The following VPS13A variants were observed in gnomAD, a reference collection of about 807,000 sequenced individuals.
The protein encoded by VPS13A is intermembrane lipid transfer protein VPS13A.
A neutral mutation model predicts 390.9 loss-of-function variants in VPS13A; 264 were observed. That is an observed-to-expected ratio of 0.68 (90% CI 0.61 to 0.75). The LOEUF (loss-of-function observed/expected upper bound fraction) is 0.75. Ranked by LOEUF, VPS13A falls within the 30% of genes least tolerant of loss-of-function variation. The pLI is 0.00. For synonymous variants in VPS13A, 1,231 were observed against 1,227.1 expected (o/e 1.00, Z -0.07); for missense variants, 3,409 against 3,733.9 (o/e 0.91, Z 2.27).
chr9:77,185,643 G>A (rs1824285362), intron 1 of VPS13A, among the ~76,000 whole-genome samples: 1 of 152,058 alleles, frequency 6.6e-6, no homozygotes, highest in South Asian at 2.1e-4. Context: ...TTTCTGTTTT[G>A]TTATACTTGT....
chr9:77,221,058 C>T, intron 12 of VPS13A, 127 bp from the exon 13 acceptor site: 1 of 892,164 alleles, frequency 1.1e-6, no homozygotes. Context: ...AAAGGAAGTA[C>T]TCAGATAATA....
At chr9:77,280,800 AC>A (rs1452127215) in intron 27 of VPS13A, among the ~76,000 whole-genome samples, 1 of 152,096 alleles carries the variant, frequency 6.6e-6, no homozygotes, top group Admixed American at 6.6e-5. Context: ...TCACTTTAAA[AC>A]CATTTTTGCT....
At position 77,281,677 on chromosome 9, in the gene VPS13A, C is replaced by A. The variant is rs12348215; in HGVS notation, c.2905-190C>A. Among the ~76,000 whole-genome samples the A allele has an allele frequency of 0.1, 15,486 of 151,624 alleles. 820 individuals are homozygous for A. The highest frequency in any genetic ancestry group is 0.13 in the Middle Eastern group (38 of 290). ...TATGTGCCAGAGAGTCCAATACTTA[C>A]ATTTTCTTTTGTTCTGGTGAAGCGG... is the stretch of plus-strand genomic sequence containing the variant. On this transcript the variant is annotated intron_variant, in intron 27 of 71. Transcript: ENST00000360280.
chr9:77,278,507 T>C (rs1826827921), intron 26 of VPS13A, among the ~76,000 whole-genome samples: 1 of 152,220 alleles, frequency 6.6e-6, no homozygotes, highest in South Asian at 2.1e-4. Flanking sequence ...TTCTGTTTTC[T>C]CAGAGGGAGT....
rs763173093 is a variant in VPS13A, at chr9:77,399,167, T to TA, written c.9190-4056dup. On this transcript the variant is annotated intron_variant, in intron 68 of 71. Transcript: ENST00000360280. ...ATGTACCCTAAAACTTAGAGTATAA[T>TA]AAAAAAAAAAAAATAAAAAAAAAAA... 2.0e-3 allele frequency among the ~76,000 whole-genome samples: 169 copies of TA among 86,084 alleles called. 1 individual carries two copies. Among genetic ancestry groups the TA allele is most frequent in the Middle Eastern group, 8.2e-3 (1 of 122 alleles). The allele number at this position is 86,084 out of a possible 152,430, so 56.5% of individuals were successfully genotyped here. A position where few individuals can be genotyped will look rare whatever the true frequency, so the allele number is the denominator to read the frequency against.
chr9:77,386,023 A>G (rs2131621250), intron 68 of VPS13A, among the ~76,000 whole-genome samples: 1 of 152,304 alleles, frequency 6.6e-6, no homozygotes, highest in Middle Eastern at 3.4e-3. Context: ...AAACAAACTT[A>G]CTAATATGTA....
chr9:77,250,377 AC>A, intron 21 of VPS13A, 148 bp downstream of exon 21: 1 of 1,027,854 alleles, frequency 9.7e-7, no homozygotes, highest in Non-Finnish European at 1.4e-6. Context: ...AGCTGTTCTT[AC>A]CAGGAGCAGT....
intron 68 of VPS13A, among the ~76,000 whole-genome samples, chr9:77,387,802 GTTGATT>G (rs1378932176): frequency 1.3e-5 from 2 of 152,148 alleles, no homozygotes; most frequent in African/African-American, 4.8e-5. Context: ...AGTGTTGAAT[GTTGATT>G]TTAAGTTCAT....
intron 23 of VPS13A, among the ~76,000 whole-genome samples, chr9:77,263,801 T>C (rs923951034): frequency 2.0e-5 from 3 of 152,244 alleles, no homozygotes; most frequent in African/African-American, 7.2e-5. Flanking sequence ...TTTGGTGTTT[T>C]AGTCATTTAG....
intron 53 of VPS13A, among the ~76,000 whole-genome samples, chr9:77,351,813 G>T (rs1342622585): frequency 6.6e-6 from 1 of 152,050 alleles, no homozygotes; most frequent in African/African-American, 2.4e-5. Context: ...CGATTGCAGT[G>T]AGCCAAGATC....
At chr9:77,409,126 T>C (rs1834778139) in intron 71 of VPS13A, among the ~76,000 whole-genome samples, 1 of 152,222 alleles carries the variant, frequency 6.6e-6, no homozygotes, top group Non-Finnish European at 1.5e-5. Context: ...GGCAGCAACA[T>C]CTGCTGTTCA....
chr9:77,207,213 T>TTATATATATATATATA lies in VPS13A; in HGVS notation c.385+1159_385+1174dup, dbSNP rs61703004. On this transcript the variant is annotated intron_variant, in intron 5 of 71. Coordinates refer to ENST00000360280, the MANE Select transcript of VPS13A (RefSeq NM_033305.3). ...CTCTGTGTCTTGATTTATTTAGATA[T>TTATATATATATATATA]TATATATATATATATATATATATAT... is the stretch of plus-strand genomic sequence containing the variant. Among the ~76,000 whole-genome samples the TTATATATATATATATA allele has an allele frequency of 1.9e-3, 84 of 43,102 alleles. 2 individuals carry two copies. The highest frequency in any genetic ancestry group is 3.1e-3 in the Non-Finnish European group (60 of 19,084). 28.3% of individuals were successfully genotyped at this position (43,102 alleles called of 152,430 possible). A position where few individuals can be genotyped will look rare whatever the true frequency, so the allele number is the denominator to read the frequency against.
chr9:77,179,034 G>A lies in VPS13A; in HGVS notation c.100+1230G>A, dbSNP rs1311136584. ...GGATATAGTGATAGCTGCTCAGCCT[G>A]TTTGATTAGTACAAGAAACTTGCAG... On this transcript the variant is annotated intron_variant, in intron 1 of 71. Coordinates refer to ENST00000360280, the MANE Select transcript of VPS13A (RefSeq NM_033305.3). Among the ~76,000 whole-genome samples the A allele has an allele frequency of 2.6e-5, 4 of 152,292 alleles. No individual in the cohort carries two copies. The East Asian group carries it at 7.7e-4, about 29-fold the overall frequency.
At chr9:77,382,215 C>T (rs1170167806) in intron 68 of VPS13A, 128 bp downstream of exon 68, 1 of 1,360,486 alleles carries the variant, frequency 7.4e-7, no homozygotes, top group Non-Finnish European at 9.7e-7. Context: ...TTATAAGTTT[C>T]TTATATTTAC....
intron 52 of VPS13A, among the ~76,000 whole-genome samples, chr9:77,347,909 C>G (rs936499850): frequency 6.6e-6 from 1 of 151,062 alleles, no homozygotes; most frequent in Non-Finnish European, 1.5e-5. Context: ...GTGTTTTTAC[C>G]TGAATAGGTG....
intron 52 of VPS13A, among the ~76,000 whole-genome samples, chr9:77,346,092 A>G (rs1182504094): frequency 1.3e-5 from 2 of 152,178 alleles, no homozygotes; most frequent in Non-Finnish European, 2.9e-5. Flanking sequence ...AGGAATCTCC[A>G]TACTGTTTTT....
intron 37 of VPS13A, 30 bp from the exon 38 acceptor site, chr9:77,315,223 C>A: frequency 1.9e-6 from 3 of 1,586,164 alleles, no homozygotes; most frequent in Non-Finnish European, 2.6e-6. Flanking sequence ...GTTACTCATA[C>A]ATAGGAATTG....
intron 50 of VPS13A, among the ~76,000 whole-genome samples, chr9:77,341,654 TGC>T (rs1471089253): frequency 6.7e-6 from 1 of 150,298 alleles, no homozygotes; most frequent in Non-Finnish European, 1.5e-5. Context: ...CAACTCTCTT[TGC>T]TTCATTCTGA....
rs1030540170 is a variant in VPS13A, at chr9:77,213,324, T to G, written c.696+10T>G. The G allele has an allele frequency of 6.2e-7, 1 of 1,604,856 alleles. No homozygotes were observed. The highest frequency in any genetic ancestry group is 1.1e-5 in the South Asian group (1 of 90,852). On this transcript the variant is annotated intron_variant, in intron 9 of 71. Transcript: ENST00000360280. ...TTATGATAACTCCTTGGTAAGTAAA[T>G]TTTTTCTGTATGTATTTGTTGGTAT...
Sources: allele counts gnomAD v4.1 joint callset (sites outside exome capture counted in the v4.1 genomes callset), GRCh38; gene constraint gnomAD v4.1.1; transcripts MANE v1.5; gene names NCBI Gene and HGNC (gene_info 2026-07-23, HGNC 2026-07-21).